Variants in DRC9 observed in about 807,000 individuals in gnomAD.
DRC9 encodes dynein regulatory complex subunit 9, also known as dynein regulatory complex protein 9.
the DRC9 span, among the ~76,000 whole-genome samples, chr3:197,903,993 T>C: frequency 5.4e-4 from 57 of 104,956 alleles, no homozygotes; most frequent in Non-Finnish European, 7.6e-4. Context: ...CACACACACA[T>C]ATATATATAC....
the DRC9 span, among the ~76,000 whole-genome samples, chr3:197,933,095 CAT>C: frequency 8.8e-5 from 12 of 136,670 alleles, no homozygotes; most frequent in Middle Eastern, 3.8e-3. Context: ...ATATATTATA[CAT>C]ATATATATAT....
chr3:197,905,157 C>T, the DRC9 span, among the ~76,000 whole-genome samples: 1 of 152,054 alleles, frequency 6.6e-6, no homozygotes, highest in African/African-American at 2.4e-5. Flanking sequence ...GAATAAGACC[C>T]AGCATTTGGT....
the DRC9 span, chr3:197,953,948 A>AT: frequency 6.9e-6 from 11 of 1,601,238 alleles, no homozygotes; most frequent in Non-Finnish European, 9.4e-6. Context: ...GTCACCTTGA[A>AT]TTTGTATCCA....
chr3:197,921,651 G>C, the DRC9 span, among the ~76,000 whole-genome samples: 1 of 151,906 alleles, frequency 6.6e-6, no homozygotes, highest in South Asian at 2.1e-4. Flanking sequence ...CAGTAACTCT[G>C]GGGATTTCAC....
At chr3:197,891,250 G>A in the DRC9 span, among the ~76,000 whole-genome samples, 1 of 152,104 alleles carries the variant, frequency 6.6e-6, no homozygotes, top group Non-Finnish European at 1.5e-5. Flanking sequence ...AGAGCTGGGG[G>A]CACGTCCTTT....
chr3:197,901,324 G>C, the DRC9 span, among the ~76,000 whole-genome samples: 1 of 152,176 alleles, frequency 6.6e-6, no homozygotes, highest in African/African-American at 2.4e-5. This position sits in a 1 kb window ranked among gnomAD's most constrained non-coding sequence, Gnocchi z 4.4. Flanking sequence ...TTTTAGTAGA[G>C]ACCAGGTTTC....
At chr3:197,895,501 A>G in the DRC9 span, among the ~76,000 whole-genome samples, 1 of 152,046 alleles carries the variant, frequency 6.6e-6, no homozygotes, top group Non-Finnish European at 1.5e-5. Flanking sequence ...CAAACTCCCA[A>G]GCGATCCACC....
At chr3:197,912,409 A>T in the DRC9 span, 1 of 299,372 alleles carries the variant, frequency 3.3e-6, no homozygotes, top group African/African-American at 2.2e-5. Context: ...TTTGAAAATT[A>T]TGAGTATACA....
At chr3:197,945,776 AAATGAT>A in the DRC9 span, 1 of 621,000 alleles carries the variant, frequency 1.6e-6, no homozygotes, top group Non-Finnish European at 2.9e-6. Flanking sequence ...AGAGAAAATT[AAATGAT>A]TACGGGAGCT....
the DRC9 span, among the ~76,000 whole-genome samples, chr3:197,899,997 C>T: frequency 6.6e-6 from 1 of 152,200 alleles, no homozygotes; most frequent in African/African-American, 2.4e-5. Flanking sequence ...GTGCATTGAA[C>T]TCAGTGCTGC....
chr3:197,945,886 G>A, the DRC9 span, among the ~76,000 whole-genome samples: 3 of 152,202 alleles, frequency 2.0e-5, no homozygotes, highest in Admixed American at 6.5e-5. Context: ...AGTCAACTGA[G>A]TTATTACTGC....
the DRC9 span, among the ~76,000 whole-genome samples, chr3:197,899,506 G>C: frequency 6.6e-6 from 1 of 152,260 alleles, no homozygotes; most frequent in East Asian, 1.9e-4. Flanking sequence ...AGGATTGCTT[G>C]AGCCCAGGAG....
the DRC9 span, chr3:197,956,829 A>G: frequency 6.6e-6 from 1 of 152,086 alleles, no homozygotes; most frequent in Non-Finnish European, 1.5e-5. Flanking sequence ...GGGCCTCACT[A>G]TGTTGCCCAG....
the DRC9 span, chr3:197,914,191 C>A: frequency 1.4e-6 from 1 of 703,842 alleles, no homozygotes; most frequent in East Asian, 2.6e-5. Flanking sequence ...ATTTAGCCAA[C>A]AATCATGAAG....
the DRC9 span, among the ~76,000 whole-genome samples, chr3:197,951,999 G>A: frequency 1.3e-5 from 2 of 152,058 alleles, no homozygotes; most frequent in African/African-American, 4.8e-5. Context: ...GGGTGGTGTT[G>A]GATTTAGGTA....
At chr3:197,907,335 A>G in the DRC9 span, among the ~76,000 whole-genome samples, 1 of 152,054 alleles carries the variant, frequency 6.6e-6, no homozygotes, top group South Asian at 2.1e-4. Flanking sequence ...ACATCTTTGG[A>G]TTCTCTCCCC....
the DRC9 span, chr3:197,944,068 G>A: frequency 3.8e-6 from 6 of 1,594,920 alleles, no homozygotes; most frequent in Admixed American, 9.0e-5. Context: ...AAAGAATAAA[G>A]AAAAAATAAG....
At chr3:197,940,973 C>A in the DRC9 span, among the ~76,000 whole-genome samples, 1 of 150,720 alleles carries the variant, frequency 6.6e-6, no homozygotes, top group African/African-American at 2.4e-5. Context: ...CATTCATTTA[C>A]TGGAGTAGTG....
chr3:197,934,871 GCCA>G, the DRC9 span, among the ~76,000 whole-genome samples: 1 of 149,702 alleles, frequency 6.7e-6, no homozygotes, highest in Admixed American at 6.7e-5. Flanking sequence ...TGTAGTCCCT[GCCA>G]CTTGGGAGGC....
Sources: allele counts gnomAD v4.1 joint callset (sites outside exome capture counted in the v4.1 genomes callset), GRCh38; gene constraint gnomAD v4.1.1; non-coding constraint Gnocchi (gnomAD v3.1); transcripts MANE v1.5; gene names NCBI Gene and HGNC (gene_info 2026-07-23, HGNC 2026-07-21).